Variants in PCNX2 observed in about 807,000 individuals in gnomAD.
PCNX2 encodes pecanex-like protein 2.
A neutral mutation model predicts 223.8 loss-of-function variants in PCNX2; 168 were observed. The ratio of observed to expected loss-of-function variants is 0.75; its 90% CI spans 0.66 to 0.85. The LOEUF is 0.85. Among genes scored for constraint, PCNX2 ranks in the 40% least tolerant of loss-of-function variants. PCNX2 has a pLI of 0.00. For synonymous variants in PCNX2, 1,006 were observed against 1,052.6 expected, an observed-to-expected ratio of 0.96 and a Z score of 0.86; for missense variants, 2,507 against 2,675.5, an observed-to-expected ratio of 0.94 and a Z score of 1.39.
intron 17 of PCNX2, among the ~76,000 whole-genome samples, chr1:233,174,685 T>C (rs1302605126): frequency 6.6e-6 from 1 of 151,860 alleles, no homozygotes; most frequent in Non-Finnish European, 1.5e-5. Flanking sequence ...ATTGATACAG[T>C]GAAACAAACA....
chr1:233,307,408 G>A, the PCNX2 span, among the ~76,000 whole-genome samples: 14 of 152,060 alleles, frequency 9.2e-5, no homozygotes, highest in Admixed American at 2.0e-4. Flanking sequence ...GCTCTCTCAC[G>A]CCATGTGACA....
At chr1:233,119,738 AATT>A (rs1380189803) in intron 21 of PCNX2, among the ~76,000 whole-genome samples, 2 of 152,166 alleles carry the variant, frequency 1.3e-5, no homozygotes, top group Non-Finnish European at 2.9e-5. Context: ...CAATAAAAGA[AATT>A]ATTGATAAAT....
chr1:233,095,729 G>A lies in PCNX2; in HGVS notation c.3946+26C>T, dbSNP rs1291933363. ...CGTAAAATGTGAATCTCAGCTGGAG[G>A]GTGAAAATAGAAGCAGAAAGGATAC... is the stretch of plus-strand genomic sequence containing the variant. On this transcript the variant is annotated intron_variant, in intron 22 of 33. Transcript: ENST00000258229. The A allele has an allele frequency of 7.2e-6, 11 of 1,528,540 alleles. No homozygotes were observed. In the Admixed American group the frequency reaches 2.0e-4, roughly 28 times the overall value. 94.7% of individuals were successfully genotyped at this position (1,528,540 alleles called of 1,614,324 possible).
In PCNX2 at chr1:233,179,149, C is replaced by T. The variant is rs1679651524; in HGVS notation, c.3093G>A (p.Pro1031=). Residue 1031 remains proline, a synonymous_variant, in exon 16 of 34, where the codon CCG becomes CCA. Coordinates refer to ENST00000258229, the MANE Select transcript of PCNX2 (RefSeq NM_014801.4). The part of the protein sequence containing the change: ...VKEPWSMQHI[P]ALFSAFCGLL... ...GGCCACAGAAGGCCGAAAACAGTGC[C>T]GGGATGTGTTGCATGCTCCACGGTT... 1.2e-5 allele frequency: 19 copies of T among 1,613,832 alleles called. No individual in the cohort carries two copies. Among genetic ancestry groups the T allele is most frequent in the Middle Eastern group, 1.6e-4 (1 of 6,062 alleles).
At chr1:233,167,790 A>C in intron 17 of PCNX2, 1 of 984,542 alleles carries the variant, frequency 1.0e-6, no homozygotes. Context: ...GCAGCCTTTA[A>C]TAAGCTCTAA....
chr1:233,284,147 TC>T (rs1229834544), intron 1 of PCNX2, among the ~76,000 whole-genome samples: 1 of 152,204 alleles, frequency 6.6e-6, no homozygotes, highest in Non-Finnish European at 1.5e-5. Flanking sequence ...ACCCCAGCTC[TC>T]TAAGACATTA....
At chr1:233,049,057 TAAG>T (rs1370425212) in intron 25 of PCNX2, among the ~76,000 whole-genome samples, 3 of 152,044 alleles carry the variant, frequency 2.0e-5, no homozygotes, top group Non-Finnish European at 4.4e-5. Flanking sequence ...CTATCAGACA[TAAG>T]AAGAAGAGCT....
rs542837801 is a variant in PCNX2, at chr1:233,195,719, A to T, written c.3066+3220T>A. ...TTAAAATAACATATAATGCACAAAA[A>T]GGTGCAATAGTTTCAGGTTGAAAGA... On this transcript the variant is annotated intron_variant, in intron 15 of 33. Coordinates refer to ENST00000258229, the MANE Select transcript of PCNX2 (RefSeq NM_014801.4). 3.9e-5 allele frequency among the ~76,000 whole-genome samples: 6 copies of T among 152,320 alleles called. No homozygotes were observed. In the East Asian group the frequency reaches 5.8e-4, roughly 15 times the overall value.
At chr1:233,021,712 A>C (rs1670896475) in intron 26 of PCNX2, among the ~76,000 whole-genome samples, 1 of 151,652 alleles carries the variant, frequency 6.6e-6, no homozygotes, top group African/African-American at 2.4e-5. Flanking sequence ...TTTTGCCTTC[A>C]CTCTCCTTTC....
chr1:233,235,957 A>AATATATATATAT (rs1553319644), intron 9 of PCNX2, among the ~76,000 whole-genome samples: 64 of 93,062 alleles, frequency 6.9e-4, no homozygotes, highest in Non-Finnish European at 1.0e-3. Flanking sequence ...CATAAAAAAA[A>AATATATATATAT]ATATATATAT....
At chr1:233,310,054 A>C in the PCNX2 span, among the ~76,000 whole-genome samples, 1 of 152,194 alleles carries the variant, frequency 6.6e-6, no homozygotes, top group Non-Finnish European at 1.5e-5. Flanking sequence ...CCACTTATAT[A>C]CAATGTACCA....
At chr1:233,168,359 C>A (rs948006706) in intron 17 of PCNX2, among the ~76,000 whole-genome samples, 4 of 152,054 alleles carry the variant, frequency 2.6e-5, no homozygotes, top group Non-Finnish European at 2.9e-5. Flanking sequence ...TAGCTATAAT[C>A]ATTATGTATA....
In PCNX2 at chr1:233,000,257, TAGAG is replaced by T; in HGVS notation, c.5328+44_5328+47del. On this transcript the variant is annotated intron_variant, in intron 30 of 33. Coordinates refer to ENST00000258229, the MANE Select transcript of PCNX2 (RefSeq NM_014801.4). The surrounding 1 kb of genome is among the most constrained non-coding windows in gnomAD (Gnocchi z 4.6). ...CACCACCATTCTATTTCTTCTCAGA[TAGAG>T]AGACACGAGCCAACAGGGGACCCAG... 1 of 1,548,002 alleles carries T rather than the reference TAGAG, an allele frequency of 6.5e-7. No individual in the cohort carries two copies. The highest frequency in any genetic ancestry group is 8.9e-7 in the Non-Finnish European group (1 of 1,120,582).
At chr1:233,172,218 G>A (rs1017689072) in intron 17 of PCNX2, among the ~76,000 whole-genome samples, 2 of 152,234 alleles carry the variant, frequency 1.3e-5, no homozygotes, top group South Asian at 2.1e-4. Context: ...TTATTTCCAA[G>A]TTTAGGTTAA....
At chr1:233,155,026 C>A (rs183495534) in intron 19 of PCNX2, among the ~76,000 whole-genome samples, 115 of 145,510 alleles carry the variant, frequency 7.9e-4, no homozygotes, top group Non-Finnish European at 1.2e-3. Context: ...TGGGATCGAG[C>A]CACTGCATTC....
At chr1:233,210,672 TCTC>T in intron 12 of PCNX2, 1 of 983,646 alleles carries the variant, frequency 1.0e-6, no homozygotes, top group Non-Finnish European at 1.2e-6. Context: ...AATCATCAAA[TCTC>T]CTAAGGACTG....
At chr1:233,122,073 T>C (rs1571915931) in intron 21 of PCNX2, among the ~76,000 whole-genome samples, 1 of 131,406 alleles carries the variant, frequency 7.6e-6, no homozygotes, top group Non-Finnish European at 1.7e-5. Context: ...AGTTAGAAAG[T>C]ACACACACAC....
At chr1:233,095,413 T>A (rs1674105167) in intron 22 of PCNX2, 1 of 255,008 alleles carries the variant, frequency 3.9e-6, no homozygotes, top group African/African-American at 2.2e-5. Context: ...CAATGCTTAA[T>A]AACAGCAAAT....
intron 21 of PCNX2, among the ~76,000 whole-genome samples, chr1:233,104,086 A>G (rs552263577): frequency 6.6e-6 from 1 of 152,300 alleles, no homozygotes; most frequent in South Asian, 2.1e-4. Flanking sequence ...GGACCAAAAA[A>G]TTTCATTTTG....
Sources: allele counts gnomAD v4.1 joint callset (sites outside exome capture counted in the v4.1 genomes callset), GRCh38; gene constraint gnomAD v4.1.1; non-coding constraint Gnocchi (gnomAD v3.1); transcripts MANE v1.5; gene names NCBI Gene and HGNC (gene_info 2026-07-23, HGNC 2026-07-21).